FUT8: variants seen among roughly 807,000 people sequenced by gnomAD.
FUT8 encodes fucosyltransferase 8, also known as alpha-(1,6)-fucosyltransferase.
Under a neutral mutation model 71.3 loss-of-function variants are expected in FUT8, and 29 were observed. The observed-to-expected ratio is 0.41, with a 90% CI of 0.30 to 0.55. The LOEUF is 0.55. Ranked by LOEUF, FUT8 falls within the 20% of genes least tolerant of loss-of-function variation. FUT8 has a pLI of 0.34. For synonymous variants in FUT8, 254 were observed against 239.3 expected (o/e 1.06, Z -0.57); for missense variants, 544 against 702.1 (o/e 0.77, Z 2.55).
chr14:65,577,798 A>G lies in FUT8; in HGVS notation c.203+16032A>G, dbSNP rs530506068. Among the ~76,000 whole-genome samples, 10 of 152,258 alleles carry G rather than the reference A, an allele frequency of 6.6e-5. No homozygotes were observed. The East Asian group carries it at 1.9e-3, about 29-fold the overall frequency. Reference sequence around the variant, plus strand: ...ACATTCAATAAATGTATTTATTGAAACAGAATAGTTAAATATATACTAGGT... The same window carrying G: ...ACATTCAATAAATGTATTTATTGAAGCAGAATAGTTAAATATATACTAGGT... On this transcript the variant is annotated intron_variant, in intron 3 of 10. Coordinates refer to ENST00000673929, the MANE Select transcript of FUT8 (RefSeq NM_001371533.1).
At chr14:65,653,956 G>A (rs1313197593) in intron 6 of FUT8, among the ~76,000 whole-genome samples, 1 of 152,188 alleles carries the variant, frequency 6.6e-6, no homozygotes, top group African/African-American at 2.4e-5. Context: ...CAGCAGACTT[G>A]CGTAAAAAAG....
At position 65,733,018 on chromosome 14, in the gene FUT8, A is replaced by G. The variant is rs17102881; in HGVS notation, c.1260-213A>G. On this transcript the variant is annotated intron_variant, in intron 9 of 10. Coordinates refer to ENST00000673929, the MANE Select transcript of FUT8 (RefSeq NM_001371533.1). ...ATTTTGATGTGTGTATGTGTGTTTT[A>G]TATGATATGCCAATAAAATTTAATA... Among the ~76,000 whole-genome samples, 5,108 of 152,270 alleles carry G rather than the reference A, an allele frequency of 0.034. 250 individuals are homozygous for G. The highest frequency in any genetic ancestry group is 0.11 in the African/African-American group (4,703 of 41,538).
chr14:65,720,087 T>C (rs1485421109), intron 7 of FUT8, among the ~76,000 whole-genome samples: 1 of 152,160 alleles, frequency 6.6e-6, no homozygotes, highest in Non-Finnish European at 1.5e-5. Context: ...GGTCCAGAGA[T>C]GCCATCTGGG....
intron 3 of FUT8, among the ~76,000 whole-genome samples, chr14:65,568,581 T>C (rs979832757): frequency 5.3e-5 from 8 of 151,850 alleles, no homozygotes; most frequent in Admixed American, 2.0e-4. Flanking sequence ...AATTGGGCTA[T>C]TCTGTTTATC....
At chr14:65,430,408 A>T (rs1388403858) in intron 1 of FUT8, 1 of 152,192 alleles carries the variant, frequency 6.6e-6, no homozygotes, top group African/African-American at 2.4e-5. Context: ...TAAAATACTG[A>T]AATATGAGTT....
intron 5 of FUT8, 71 bp downstream of exon 5, chr14:65,616,444 G>A (rs917562068): frequency 1.5e-6 from 2 of 1,305,486 alleles, no homozygotes; most frequent in South Asian, 1.6e-5. Context: ...AAACAGACTT[G>A]TTAATCCATC....
upstream of FUT8, chr14:65,412,636 T>G (rs2898820): frequency 0.7 from 192,243 of 273,676 alleles, 67,947 homozygotes; most frequent in East Asian, 0.9. Context: ...GCGGGGAGAA[T>G]CCCTGGCACA....
chr14:65,533,036 A>G (rs918606578), intron 2 of FUT8, among the ~76,000 whole-genome samples: 5 of 152,124 alleles, frequency 3.3e-5, no homozygotes, highest in African/African-American at 1.2e-4. Flanking sequence ...TACCAGTACC[A>G]TGCTGTTTTG....
intron 7 of FUT8, among the ~76,000 whole-genome samples, chr14:65,678,598 G>T (rs765634607): frequency 5.0e-4 from 76 of 152,142 alleles, no homozygotes; most frequent in Non-Finnish European, 9.6e-4. Flanking sequence ...AAACCATTTT[G>T]TCTTGGAGCT....
chr14:65,594,980 A>C (rs973620465), intron 3 of FUT8, among the ~76,000 whole-genome samples: 1 of 152,136 alleles, frequency 6.6e-6, no homozygotes, highest in Non-Finnish European at 1.5e-5. Flanking sequence ...GAGCGGGCAC[A>C]CAGGGATGGA....
At chr14:65,725,377 G>A (rs1419298769) in intron 9 of FUT8, among the ~76,000 whole-genome samples, 1 of 152,148 alleles carries the variant, frequency 6.6e-6, no homozygotes, top group Non-Finnish European at 1.5e-5. Context: ...GGTTAACATG[G>A]GGTATTATGA....
chr14:65,576,696 C>CCTTTTTTTTTTT (rs1886794034), intron 3 of FUT8, among the ~76,000 whole-genome samples: 1 of 96,220 alleles, frequency 1.0e-5, no homozygotes, highest in African/African-American at 6.3e-5. Flanking sequence ...GCCCAGCTTG[C>CCTTTTTTTTTTT]TTTTTTTTTT....
intron 5 of FUT8, among the ~76,000 whole-genome samples, chr14:65,621,282 G>A (rs1186107966): frequency 2.0e-5 from 3 of 150,916 alleles, no homozygotes; most frequent in African/African-American, 4.9e-5. Context: ...ACAGAGTCTC[G>A]CTCTGTTGCC....
intron 7 of FUT8, among the ~76,000 whole-genome samples, chr14:65,678,662 A>G (rs1158509611): frequency 2.0e-5 from 3 of 152,140 alleles, no homozygotes; most frequent in African/African-American, 7.2e-5. Context: ...TGAAGCCTCT[A>G]CTCTGTGGGA....
chr14:65,470,521 C>T (rs996815562), intron 2 of FUT8, among the ~76,000 whole-genome samples: 1 of 152,222 alleles, frequency 6.6e-6, no homozygotes, highest in Non-Finnish European at 1.5e-5. Flanking sequence ...CAGATCCTTG[C>T]TGGACCTGGG....
intron 5 of FUT8, 41 bp downstream of exon 5, chr14:65,616,414 G>T (rs1242842877): frequency 3.4e-6 from 5 of 1,464,448 alleles, no homozygotes; most frequent in South Asian, 1.4e-5. Flanking sequence ...CTTTAGAAAA[G>T]ATTATAATCT....
chr14:65,490,829 C>T (rs961931713), intron 2 of FUT8, among the ~76,000 whole-genome samples: 3 of 151,948 alleles, frequency 2.0e-5, no homozygotes, highest in Admixed American at 6.6e-5. Context: ...TTTCCCTTTC[C>T]GAGTTAATTA....
At chr14:65,364,016 T>C in the FUT8 span, among the ~76,000 whole-genome samples, 7 of 152,090 alleles carry the variant, frequency 4.6e-5, no homozygotes, top group Non-Finnish European at 8.8e-5. Flanking sequence ...GATGCAGGGG[T>C]CCACATTTTT....
chr14:65,382,588 C>G, the FUT8 span, among the ~76,000 whole-genome samples: 1 of 152,076 alleles, frequency 6.6e-6, no homozygotes, highest in Non-Finnish European at 1.5e-5. Flanking sequence ...GATCTGCCCG[C>G]CTGGACCTCC....
Sources: gnomAD v4.1 joint callset for allele counts (sites outside exome capture counted in the v4.1 genomes callset) on GRCh38, gnomAD v4.1.1 for gene constraint, MANE v1.5 for transcripts, NCBI Gene and HGNC (gene_info 2026-07-23, HGNC 2026-07-21) for gene names.